LRRN2: variants seen among roughly 807,000 people sequenced by gnomAD.
LRRN2 encodes the protein leucine rich repeat neuronal 2, also known as leucine-rich repeat neuronal protein 2.
A neutral mutation model predicts 35.7 loss-of-function variants in LRRN2; 10 were observed. That is an observed-to-expected ratio of 0.28 (90% CI 0.17 to 0.47). The LOEUF is 0.47. Ranked by LOEUF, LRRN2 falls within the 20% of genes least tolerant of loss-of-function variation. The pLI, the probability that LRRN2 is intolerant of heterozygous loss-of-function variation, is 0.99. For synonymous variants in LRRN2, 391 were observed against 409.6 expected (o/e 0.95, Z 0.55); for missense variants, 731 against 940.3 (o/e 0.78, Z 2.91).
At chr1:204,670,012 T>C (rs2102624795) in intron 1 of LRRN2, among the ~76,000 whole-genome samples, 1 of 152,190 alleles carries the variant, frequency 6.6e-6, no homozygotes, top group Non-Finnish European at 1.5e-5. Flanking sequence ...ACTCGTTTTT[T>C]TTTTTGTTTG....
intron 1 of LRRN2, among the ~76,000 whole-genome samples, chr1:204,664,827 G>A (rs1668544329): frequency 6.6e-6 from 1 of 152,040 alleles, no homozygotes; most frequent in Non-Finnish European, 1.5e-5. Flanking sequence ...TCTCCCTCTG[G>A]GGTCAGTCCT....
chr1:204,661,331 T>G (rs997127498), intron 1 of LRRN2, among the ~76,000 whole-genome samples: 4 of 152,194 alleles, frequency 2.6e-5, no homozygotes, highest in Admixed American at 6.5e-5. Context: ...GTTTTATATC[T>G]TGATTTGGGA....
At chr1:204,620,268 A>C in intron 1 of LRRN2, 50 bp from the exon 2 acceptor site, 2 of 1,263,158 alleles carry the variant, frequency 1.6e-6, no homozygotes, top group Non-Finnish European at 2.1e-6. Flanking sequence ...AGCAGTATCT[A>C]CCCCTCCTCC....
chr1:204,650,073 C>T (rs1668189722), intron 1 of LRRN2, among the ~76,000 whole-genome samples: 1 of 152,236 alleles, frequency 6.6e-6, no homozygotes, highest in African/African-American at 2.4e-5. Flanking sequence ...CTGCCAGCAC[C>T]TGCCCAGCCT....
intron 1 of LRRN2, among the ~76,000 whole-genome samples, chr1:204,683,788 A>G (rs1669004923): frequency 1.3e-5 from 2 of 152,208 alleles, no homozygotes; most frequent in Non-Finnish European, 2.9e-5. Flanking sequence ...GAGTCAGCAC[A>G]GGGGAAGGAA....
chr1:204,650,582 G>A (rs1247924116), intron 1 of LRRN2, among the ~76,000 whole-genome samples: 1 of 152,088 alleles, frequency 6.6e-6, no homozygotes, highest in Non-Finnish European at 1.5e-5. Context: ...CATCCAGGAG[G>A]GGTTGCTTTG....
chr1:204,622,109 A>G (rs884108), intron 1 of LRRN2: 134,941 of 167,196 alleles, frequency 0.81, 54,682 homozygotes, highest in East Asian at 0.89. Context: ...TACACTTCAC[A>G]TCTGTGCTGC....
At chr1:204,676,267 T>G (rs1485432223) in intron 1 of LRRN2, among the ~76,000 whole-genome samples, 1 of 152,096 alleles carries the variant, frequency 6.6e-6, no homozygotes, top group South Asian at 2.1e-4. Flanking sequence ...ACTTTGACCT[T>G]CAACACTGTC....
chr1:204,618,815 T>G lies in LRRN2; in HGVS notation c.1178A>C (p.Gln393Pro). ...TGTRVRFIEPQSTLCAEPPDL... is the reference protein window; with the variant it reads ...TGTRVRFIEPPSTLCAEPPDL... ...CGGAGGCTCCGCACACAGGGTGGAT[T>G]GCGGCTCGATGAAGCGGACACGGGT... The change falls in exon 2 of 2, where the codon CAA becomes CCA. Residue 393 changes from glutamine to proline, a missense_variant. Transcript: ENST00000367177. 6.2e-7 allele frequency: 1 copy of G among 1,613,992 alleles called. No homozygotes were observed. The highest frequency in any genetic ancestry group is 8.5e-7 in the Non-Finnish European group (1 of 1,180,014).
At chr1:204,652,855 T>C (rs1668265307) in intron 1 of LRRN2, among the ~76,000 whole-genome samples, 1 of 152,214 alleles carries the variant, frequency 6.6e-6, no homozygotes, top group South Asian at 2.1e-4. Context: ...CCCAGGGCAG[T>C]CCTGCAACTG....
intron 1 of LRRN2, among the ~76,000 whole-genome samples, chr1:204,634,871 CT>C (rs1464824774): frequency 2.0e-5 from 3 of 152,216 alleles, no homozygotes; most frequent in Non-Finnish European, 2.9e-5. Flanking sequence ...TGCTTTATTT[CT>C]ATGAGCCTCA....
chr1:204,634,821 C>A (rs1192653359), intron 1 of LRRN2, among the ~76,000 whole-genome samples: 1 of 152,212 alleles, frequency 6.6e-6, no homozygotes, highest in African/African-American at 2.4e-5. Context: ...AGTTCTAGTT[C>A]CTGCTCTGCT....
intron 1 of LRRN2, chr1:204,628,970 C>T (rs550752520): frequency 1.3e-5 from 2 of 152,524 alleles, no homozygotes; most frequent in African/African-American, 4.8e-5. Context: ...GCCACAGTTG[C>T]AGGCCTCAGA....
rs1666411856 is a variant in LRRN2, at chr1:204,617,378, C to T, written c.*473G>A. ...GGGCATCCCTCTCCCAAATGTCCTT[C>T]AGATCTGGCTGGGGTCACTCCCACA... On this transcript the variant is annotated 3_prime_UTR_variant, in exon 2 of 2. Transcript: ENST00000367177. 1 of 156,690 alleles carries T rather than the reference C, an allele frequency of 6.4e-6. No individual in the cohort carries two copies. The highest frequency in any genetic ancestry group is 2.0e-4 in the South Asian group (1 of 5,124). The allele number at this position is 156,690 out of a possible 1,614,324, so 9.7% of individuals were successfully genotyped here. A position where few individuals can be genotyped will look rare whatever the true frequency, so the allele number is the denominator to read the frequency against.
intron 1 of LRRN2, among the ~76,000 whole-genome samples, chr1:204,661,537 T>C (rs959949332): frequency 1.3e-5 from 2 of 152,216 alleles, no homozygotes; most frequent in African/African-American, 4.8e-5. Context: ...TGGAATCTAG[T>C]TGATCTGAAG....
At chr1:204,669,843 C>T (rs757550849) in intron 1 of LRRN2, among the ~76,000 whole-genome samples, 2 of 152,184 alleles carry the variant, frequency 1.3e-5, no homozygotes, top group Non-Finnish European at 2.9e-5. Context: ...GACCATCCCA[C>T]TGGCCATCCT....
chr1:204,653,174 C>T (rs1282306163), intron 1 of LRRN2, among the ~76,000 whole-genome samples: 3 of 152,180 alleles, frequency 2.0e-5, no homozygotes, highest in Non-Finnish European at 2.9e-5. Flanking sequence ...ATTACTTTTG[C>T]ACTAGCCTAA....
chr1:204,620,327 G>C (rs1666787415), intron 1 of LRRN2, 109 bp from the exon 2 acceptor site: 1 of 645,442 alleles, frequency 1.5e-6, no homozygotes, highest in South Asian at 3.2e-5. Context: ...CCAGGCTGGA[G>C]TGCAGCGGTG....
chr1:204,650,621 G>C (rs1668202077), intron 1 of LRRN2, among the ~76,000 whole-genome samples: 1 of 152,164 alleles, frequency 6.6e-6, no homozygotes, highest in Admixed American at 6.5e-5. Context: ...CTCTGCGGAG[G>C]GGTGTATGTA....
Sources: allele counts gnomAD v4.1 joint callset (sites outside exome capture counted in the v4.1 genomes callset), GRCh38; gene constraint gnomAD v4.1.1; transcripts MANE v1.5; gene names NCBI Gene and HGNC (gene_info 2026-07-23, HGNC 2026-07-21).